Variants in TBCD observed in about 807,000 individuals in gnomAD.
TBCD encodes the protein tubulin-specific chaperone D.
Under a neutral mutation model 169.3 loss-of-function variants are expected in TBCD, and 105 were observed. That is an observed-to-expected ratio of 0.62 (90% CI 0.53 to 0.73). The LOEUF (loss-of-function observed/expected upper bound fraction) is 0.73. TBCD is among the 30% of genes least tolerant of loss of function. The pLI is 0.00. For synonymous variants in TBCD, 700 were observed against 643.9 expected (o/e 1.09, Z -1.32); for missense variants, 1,444 against 1,600.1 (o/e 0.90, Z 1.66).
At chr17:82,838,751 T>C (rs1042546212) in intron 13 of TBCD, 1 of 985,284 alleles carries the variant, frequency 1.0e-6, no homozygotes, top group Non-Finnish European at 1.2e-6. Context: ...TTTGGGAATG[T>C]AATTTGGAAG....
At chr17:82,779,525 C>A (rs184852584) in intron 6 of TBCD, among the ~76,000 whole-genome samples, 143 of 152,330 alleles carry the variant, frequency 9.4e-4, no homozygotes, top group African/African-American at 2.7e-3. Flanking sequence ...GGGAGAGGTC[C>A]TTGCTGTTAC....
intron 15 of TBCD, among the ~76,000 whole-genome samples, chr17:82,887,131 C>CTGTGTG (rs771003321): frequency 0.044 from 5,426 of 123,202 alleles, 153 homozygotes; most frequent in East Asian, 0.11. Flanking sequence ...TACCTGTACT[C>CTGTGTG]TGTGTGTGTG....
intron 33 of TBCD, 74 bp from the exon 34 acceptor site, chr17:82,932,584 G>A: frequency 2.4e-6 from 3 of 1,230,362 alleles, no homozygotes; most frequent in Non-Finnish European, 3.5e-6. Flanking sequence ...GGATCCTGCT[G>A]ACTCTCAGCC....
chr17:82,829,969 A>T, intron 13 of TBCD: 2 of 1,097,024 alleles, frequency 1.8e-6, no homozygotes, highest in Middle Eastern at 3.0e-4. Context: ...CATGCTTAAT[A>T]TTTATAAAAA....
intron 4 of TBCD, among the ~76,000 whole-genome samples, chr17:82,766,681 C>T (rs2144004224): frequency 6.6e-6 from 1 of 152,230 alleles, no homozygotes; most frequent in African/African-American, 2.4e-5. Context: ...CCCAAGACCA[C>T]CCCCAGGTTT....
At chr17:82,809,585 T>G in intron 11 of TBCD, 123 bp from the exon 12 acceptor site, 2 of 1,028,450 alleles carry the variant, frequency 1.9e-6, no homozygotes, top group Non-Finnish European at 2.9e-6. Flanking sequence ...TTGCCTGGAG[T>G]TGGCCTCTTC....
At position 82,814,907 on chromosome 17, in the gene TBCD, C is replaced by T. The variant is rs1232216850; in HGVS notation, c.1291C>T (p.Leu431=). 2 of 1,612,844 alleles carry T rather than the reference C, an allele frequency of 1.2e-6. No individual in the cohort carries two copies. Among genetic ancestry groups the T allele is most frequent in the Non-Finnish European group, 1.7e-6 (2 of 1,179,538 alleles). ...LALAELGRRG[L]LLPSRLVDVV... is the part of the protein sequence containing the mutation. Reference sequence around the variant, plus strand: ...GCTGGCAGAGCTGGGCAGGAGAGGCCTGTTGCTGCCGTCTCGACTCGTGGA... The same window carrying T: ...GCTGGCAGAGCTGGGCAGGAGAGGCTTGTTGCTGCCGTCTCGACTCGTGGA... The change falls in exon 13 of 39, where the codon CTG becomes TTG. Residue 431 remains leucine, a synonymous_variant. Transcript: ENST00000355528.
rs138921718 is a variant in TBCD, at chr17:82,793,849, G to A, written c.772-3908G>A. Reference sequence around the variant, plus strand: ...CGTGTGCTGAGCCTGCGGGGGCACGGATGCGATTGGTTGCTTCCCAAGATA... The same window carrying A: ...CGTGTGCTGAGCCTGCGGGGGCACGAATGCGATTGGTTGCTTCCCAAGATA... On this transcript the variant is annotated intron_variant, in intron 7 of 38. Coordinates refer to ENST00000355528, the MANE Select transcript of TBCD (RefSeq NM_005993.5). Among the ~76,000 whole-genome samples, 817 of 152,278 alleles carry A rather than the reference G, an allele frequency of 5.4e-3. 7 individuals carry two copies. Among genetic ancestry groups the A allele is most frequent in the Non-Finnish European group, 7.5e-3 (509 of 68,010 alleles).
At chr17:82,820,306 ATGTGCTCC>A (rs2052309670) in intron 13 of TBCD, among the ~76,000 whole-genome samples, 1 of 152,238 alleles carries the variant, frequency 6.6e-6, no homozygotes, top group Non-Finnish European at 1.5e-5. Context: ...AAATGTATAC[ATGTGCTCC>A]TTATTATGCA....
intron 12 of TBCD, among the ~76,000 whole-genome samples, chr17:82,812,062 C>T (rs1248061482): frequency 6.6e-6 from 1 of 152,000 alleles, no homozygotes; most frequent in Non-Finnish European, 1.5e-5. Flanking sequence ...GGGGCCCCCT[C>T]CTGACTCCCA....
chr17:82,937,233 G>T, intron 34 of TBCD, 38 bp from the exon 35 acceptor site: 1 of 1,599,842 alleles, frequency 6.3e-7, no homozygotes, highest in Non-Finnish European at 8.6e-7. Context: ...GGGGCTGCCT[G>T]TGAAAGCTCA....
intron 13 of TBCD, chr17:82,830,944 A>G: frequency 1.2e-6 from 2 of 1,613,232 alleles, no homozygotes; most frequent in Non-Finnish European, 1.7e-6. Flanking sequence ...AAGCAGTGTG[A>G]GCAAGTATAA....
chr17:82,788,289 T>G (rs2049452839), intron 7 of TBCD, among the ~76,000 whole-genome samples: 1 of 152,176 alleles, frequency 6.6e-6, no homozygotes, highest in Non-Finnish European at 1.5e-5. Context: ...GTGACTCTGC[T>G]TGCTGATTGA....
In TBCD at chr17:82,772,385, C is replaced by G. The variant is rs1413136163; in HGVS notation, c.583-67C>G. The G allele has an allele frequency of 6.5e-6, 10 of 1,548,648 alleles. No individual in the cohort carries two copies. In the East Asian group the frequency reaches 2.0e-4, roughly 31 times the overall value. ...GAGCTGGTGAGGGTGGGACTGGTGA[C>G]TGTGTGGTGTCCCCAAGGCTGGCGT... On this transcript the variant is annotated intron_variant, in intron 5 of 38. Coordinates refer to ENST00000355528, the MANE Select transcript of TBCD (RefSeq NM_005993.5).
chr17:82,797,850 C>G (rs750943872), intron 8 of TBCD, 48 bp downstream of exon 8: 1 of 1,377,540 alleles, frequency 7.3e-7, no homozygotes, highest in Non-Finnish European at 9.9e-7. Flanking sequence ...TGAGTTTGCT[C>G]ATATACAATC....
rs1244516609 is a variant in TBCD at position 82,884,488 on chromosome 17, T to G, written c.1533+286T>G. ...AGTGGGAGGTGCCCGATGACAGGTC[T>G]TGGTGCAGGCAGCTGCACGCTGAAG... On this transcript the variant is annotated intron_variant, in intron 15 of 38. Coordinates refer to ENST00000355528, the MANE Select transcript of TBCD (RefSeq NM_005993.5). The surrounding 1 kb of genome is among the most constrained non-coding windows in gnomAD (Gnocchi z 4.2). Among the ~76,000 whole-genome samples, 5 of 152,220 alleles carry G rather than the reference T, an allele frequency of 3.3e-5. No individual in the cohort carries two copies. The highest frequency in any genetic ancestry group is 5.9e-5 in the Non-Finnish European group (4 of 68,038).
intron 14 of TBCD, among the ~76,000 whole-genome samples, chr17:82,878,197 C>T (rs1287080018): frequency 3.3e-5 from 5 of 152,210 alleles, no homozygotes; most frequent in Admixed American, 6.5e-5. Context: ...GGTCCTGTGC[C>T]CTCAGCCTCC....
At chr17:82,786,965 T>C (rs1374172139) in intron 7 of TBCD, among the ~76,000 whole-genome samples, 6 of 152,022 alleles carry the variant, frequency 3.9e-5, no homozygotes, top group Admixed American at 3.9e-4. Flanking sequence ...GACGGCTCGC[T>C]GCCCCATTCC....
intron 13 of TBCD, among the ~76,000 whole-genome samples, chr17:82,865,746 T>C (rs2057127263): frequency 6.6e-6 from 1 of 152,242 alleles, no homozygotes; most frequent in Non-Finnish European, 1.5e-5. Flanking sequence ...GTGGAGGGAT[T>C]ATTTCTACCT....
Sources: allele counts gnomAD v4.1 joint callset (sites outside exome capture counted in the v4.1 genomes callset), GRCh38; gene constraint gnomAD v4.1.1; non-coding constraint Gnocchi (gnomAD v3.1); transcripts MANE v1.5; gene names NCBI Gene and HGNC (gene_info 2026-07-23, HGNC 2026-07-21).